The following RBMS3 variants were observed in gnomAD, a reference collection of about 807,000 sequenced individuals.
RBMS3 encodes the protein RNA binding motif single stranded interacting protein 3, also known as RNA-binding motif, single-stranded-interacting protein 3.
In RBMS3, 27 loss-of-function variants were observed where a neutral mutation model predicts 66.8. That is an observed-to-expected ratio of 0.40 (90% CI 0.30 to 0.56). The LOEUF is 0.56. Among genes scored for constraint, RBMS3 ranks in the 20% least tolerant of loss-of-function variants. The pLI is 0.40. For missense variants in RBMS3, 513 were observed against 549.5 expected, an observed-to-expected ratio of 0.93 and a Z score of 0.66; for synonymous variants, 188 against 183.0, an observed-to-expected ratio of 1.03 and a Z score of -0.22.
intron 4 of RBMS3, among the ~76,000 whole-genome samples, chr3:29,682,212 C>T (rs1175094283): frequency 6.6e-6 from 1 of 152,218 alleles, no homozygotes; most frequent in Admixed American, 6.5e-5. Flanking sequence ...ATGGTGCCAT[C>T]TTGGCTCACT....
chr3:29,580,201 T>C (rs1367429101), intron 3 of RBMS3, among the ~76,000 whole-genome samples: 1 of 152,206 alleles, frequency 6.6e-6, no homozygotes, highest in Non-Finnish European at 1.5e-5. Flanking sequence ...TTGTCATTTG[T>C]GTGCAAAATA....
At chr3:29,930,039 G>T (rs528540816) in intron 10 of RBMS3, among the ~76,000 whole-genome samples, 79 of 150,098 alleles carry the variant, frequency 5.3e-4, no homozygotes, top group Non-Finnish European at 1.0e-3. Flanking sequence ...TCTTGCCATA[G>T]ATCTAAAATG....
At chr3:29,714,054 C>CA (rs1359387780) in intron 4 of RBMS3, among the ~76,000 whole-genome samples, 4 of 150,594 alleles carry the variant, frequency 2.7e-5, no homozygotes, top group African/African-American at 7.3e-5. Context: ...GACTCTGTCT[C>CA]AAAAAAACAA....
intron 3 of RBMS3, among the ~76,000 whole-genome samples, chr3:29,525,614 G>A (rs755570849): frequency 2.6e-5 from 4 of 152,168 alleles, no homozygotes; most frequent in Non-Finnish European, 4.4e-5. Flanking sequence ...ACACAGAAAA[G>A]CTCAGTGTAT....
intron 3 of RBMS3, among the ~76,000 whole-genome samples, chr3:29,585,514 C>A (rs1393396448): frequency 1.3e-5 from 2 of 152,052 alleles, no homozygotes; most frequent in African/African-American, 4.8e-5. Flanking sequence ...ATCACCTTAC[C>A]CTAACCTCAG....
intron 6 of RBMS3, among the ~76,000 whole-genome samples, chr3:29,833,947 A>G (rs2058438765): frequency 1.3e-5 from 2 of 152,252 alleles, no homozygotes; most frequent in East Asian, 3.9e-4. Context: ...AAACATGCTT[A>G]TCACATATAA....
intron 2 of RBMS3, among the ~76,000 whole-genome samples, chr3:29,466,010 G>A (rs569507512): frequency 7.6e-4 from 115 of 151,826 alleles, no homozygotes; most frequent in African/African-American, 2.7e-3. Context: ...ATGATTCAGT[G>A]ATCAGCATGA....
At chr3:29,302,090 G>A (rs2125447683) in intron 1 of RBMS3, among the ~76,000 whole-genome samples, 1 of 152,040 alleles carries the variant, frequency 6.6e-6, no homozygotes, top group East Asian at 1.9e-4. Flanking sequence ...GCTCACTGCA[G>A]CCTTGAGCTT....
intron 10 of RBMS3, among the ~76,000 whole-genome samples, chr3:29,905,652 T>G (rs556903044): frequency 1.6e-4 from 25 of 152,268 alleles, no homozygotes; most frequent in Non-Finnish European, 2.9e-4. Flanking sequence ...GACAATACCT[T>G]AATCAGAGGT....
intron 11 of RBMS3, among the ~76,000 whole-genome samples, chr3:29,937,697 T>C (rs2061302159): frequency 6.6e-6 from 1 of 151,932 alleles, no homozygotes; most frequent in African/African-American, 2.4e-5. Flanking sequence ...CTTTTAGAAA[T>C]CGTGTCTAAG....
chr3:29,361,062 T>C (rs2037554156), intron 1 of RBMS3, among the ~76,000 whole-genome samples: 1 of 152,062 alleles, frequency 6.6e-6, no homozygotes, highest in South Asian at 2.1e-4. Context: ...AGGTTAATAT[T>C]GTTATGTGTG....
Position 29,594,502 on chromosome 3 carries a change from A to G in RBMS3, c.399+7297A>G, listed in dbSNP as rs191737032. On this transcript the variant is annotated intron_variant, in intron 4 of 14. Transcript: ENST00000383767. ...GAATGACTGATGCAATGTAATGTAAACCTTGCTCTATCTCATTTCCTAAAA... is the reference window on the plus strand; with the variant it reads ...GAATGACTGATGCAATGTAATGTAAGCCTTGCTCTATCTCATTTCCTAAAA... Among the ~76,000 whole-genome samples, 476 of 152,260 alleles carry G rather than the reference A, an allele frequency of 3.1e-3. 2 individuals are homozygous for G. The highest frequency in any genetic ancestry group is 0.011 in the African/African-American group (464 of 41,568).
chr3:29,782,149 G>T (rs909705242), intron 6 of RBMS3, among the ~76,000 whole-genome samples: 13 of 152,000 alleles, frequency 8.6e-5, no homozygotes, highest in Non-Finnish European at 1.9e-4. Context: ...GTGTCCCTAG[G>T]GCAAGTTTGT....
chr3:29,659,161 A>G (rs1188804359), intron 4 of RBMS3, among the ~76,000 whole-genome samples: 2 of 152,212 alleles, frequency 1.3e-5, no homozygotes, highest in Non-Finnish European at 2.9e-5. Flanking sequence ...AATAAGTTAT[A>G]TAGAATGAAA....
chr3:29,350,827 C>A (rs551446345), intron 1 of RBMS3, among the ~76,000 whole-genome samples: 67 of 151,356 alleles, frequency 4.4e-4, no homozygotes, highest in African/African-American at 1.5e-3. Context: ...AAGCCTTTTG[C>A]CATAAAAGGT....
At chr3:29,739,984 A>T in intron 5 of RBMS3, 107 bp downstream of exon 5, 2 of 967,904 alleles carry the variant, frequency 2.1e-6, no homozygotes, top group Non-Finnish European at 2.8e-6. Context: ...CAAAAAAAAA[A>T]AAAAAATTAA....
intron 14 of RBMS3, among the ~76,000 whole-genome samples, chr3:30,000,043 T>A (rs1699511927): frequency 6.6e-6 from 1 of 151,382 alleles, no homozygotes; most frequent in Admixed American, 6.6e-5. Flanking sequence ...ACTAGACAAA[T>A]GGGATCTAAT....
intron 4 of RBMS3, among the ~76,000 whole-genome samples, chr3:29,602,143 C>T (rs2048166577): frequency 6.6e-6 from 1 of 152,028 alleles, no homozygotes; most frequent in Non-Finnish European, 1.5e-5. Context: ...GTTTTGCCAG[C>T]ATAATTGCAC....
At chr3:29,483,139 A>AC in intron 2 of RBMS3, among the ~76,000 whole-genome samples, 1 of 70,508 alleles carries the variant, frequency 1.4e-5, no homozygotes, top group South Asian at 3.7e-4. Context: ...CCCTGTCTCT[A>AC]CTAAAAAAAA....
Sources: allele counts gnomAD v4.1 joint callset (sites outside exome capture counted in the v4.1 genomes callset), GRCh38; gene constraint gnomAD v4.1.1; transcripts MANE v1.5; gene names NCBI Gene and HGNC (gene_info 2026-07-23, HGNC 2026-07-21).